PAK1: variants seen among roughly 807,000 people sequenced by gnomAD.
PAK1 encodes the protein p21 (RAC1) activated kinase 1.
A neutral mutation model predicts 67.4 loss-of-function variants in PAK1; 29 were observed. The ratio of observed to expected loss-of-function variants is 0.43; its 90% CI spans 0.32 to 0.59. The LOEUF (loss-of-function observed/expected upper bound fraction) is 0.59. PAK1 is among the 20% of genes least tolerant of loss of function. The pLI is 0.07. For missense variants in PAK1, 337 were observed against 670.7 expected (o/e 0.50, Z 5.50); for synonymous variants, 223 against 237.4 (o/e 0.94, Z 0.56).
the PAK1 span, among the ~76,000 whole-genome samples, chr11:77,484,154 A>G: frequency 1.8e-3 from 281 of 152,102 alleles, 1 homozygote; most frequent in African/African-American, 6.6e-3. Flanking sequence ...AGAGAAAACC[A>G]TAAGTCCTAT....
At chr11:77,440,719 A>G (rs1288405563) in intron 1 of PAK1, among the ~76,000 whole-genome samples, 2 of 152,230 alleles carry the variant, frequency 1.3e-5, no homozygotes, top group Non-Finnish European at 2.9e-5. Flanking sequence ...ATAAGCTTCA[A>G]TCAGCTAGTA....
At position 77,375,735 on chromosome 11, in the gene PAK1, T is replaced by C. The variant is rs76296405; in HGVS notation, c.440-1370A>G. ...AAGTAAGTTTAAAGACCAGGTAATGTCTTCAGTTTTGTTCTTTAATTCCCC... is the reference window on the plus strand; with the variant it reads ...AAGTAAGTTTAAAGACCAGGTAATGCCTTCAGTTTTGTTCTTTAATTCCCC... On this transcript the variant is annotated intron_variant, in intron 4 of 14. Transcript: ENST00000356341. Among the ~76,000 whole-genome samples, 581 of 152,304 alleles carry C rather than the reference T, an allele frequency of 3.8e-3. 13 individuals carry two copies. The East Asian group carries it at 0.07, about 18-fold the overall frequency.
chr11:77,411,906 T>A (rs1388437568), intron 1 of PAK1: 2 of 152,238 alleles, frequency 1.3e-5, no homozygotes, highest in African/African-American at 2.4e-5. Flanking sequence ...GCTGGGCTCC[T>A]GGCAGCTCAG....
At chr11:77,341,297 A>AT (rs144078501) in intron 10 of PAK1, among the ~76,000 whole-genome samples, 4,729 of 152,314 alleles carry the variant, frequency 0.031, 127 homozygotes, top group African/African-American at 0.076. Context: ...AAATCACTGA[A>AT]AAAATAAAAG....
intron 5 of PAK1, among the ~76,000 whole-genome samples, chr11:77,371,008 C>T (rs1948354110): frequency 1.3e-5 from 2 of 152,218 alleles, no homozygotes; most frequent in South Asian, 4.1e-4. Flanking sequence ...CTGATGCTTA[C>T]TTAACACTAT....
At chr11:77,412,388 T>C (rs1172206014) in intron 1 of PAK1, among the ~76,000 whole-genome samples, 2 of 152,124 alleles carry the variant, frequency 1.3e-5, no homozygotes, top group Non-Finnish European at 2.9e-5. Flanking sequence ...TGGGCCCCTA[T>C]AGCTGCCTCT....
intron 2 of PAK1, among the ~76,000 whole-genome samples, chr11:77,389,779 G>T (rs1404652702): frequency 6.6e-6 from 1 of 152,100 alleles, no homozygotes; most frequent in African/African-American, 2.4e-5. Flanking sequence ...TATGTAATTT[G>T]GGAAATTTTT....
intron 10 of PAK1, among the ~76,000 whole-genome samples, chr11:77,342,788 G>T (rs1296503963): frequency 6.6e-6 from 1 of 152,056 alleles, no homozygotes; most frequent in Non-Finnish European, 1.5e-5. Flanking sequence ...AGAGGTAGCT[G>T]GTCATGCAAT....
In PAK1 at chr11:77,392,394, G is replaced by C; in HGVS notation, c.127C>G (p.Pro43Ala). The change falls in exon 2 of 15, where the codon CCA becomes GCA. Residue 43 changes from proline to alanine, a missense_variant. By Grantham distance (27) the Pro-to-Ala change is conservative. This residue lies in a region of PAK1 where 43 missense variants were observed against 141.5 expected (regional missense o/e 0.30). Transcript: ENST00000356341. Reference protein sequence around the residue: ...TLNHGSKPLPPNPEEKKKKDR... With the variant: ...TLNHGSKPLPANPEEKKKKDR... ...TTCTTTTTCTTCTCCTCTGGGTTTG[G>C]AGGCAGAGGTTTAGAACCATGGTTT... 1 of 1,613,144 alleles carries C rather than the reference G, an allele frequency of 6.2e-7. No homozygotes were observed. The highest frequency in any genetic ancestry group is 8.5e-7 in the Non-Finnish European group (1 of 1,179,430).
At chr11:77,327,778 A>T (rs1353893508) in intron 14 of PAK1, among the ~76,000 whole-genome samples, 1 of 152,228 alleles carries the variant, frequency 6.6e-6, no homozygotes, top group African/African-American at 2.4e-5. Context: ...AAATTCACAC[A>T]TAACAATATT....
intron 9 of PAK1, among the ~76,000 whole-genome samples, chr11:77,346,263 C>T (rs745647661): frequency 2.0e-5 from 3 of 152,146 alleles, no homozygotes; most frequent in Non-Finnish European, 2.9e-5. Flanking sequence ...TGAGCAACCG[C>T]GCCTGGCCAG....
chr11:77,388,851 A>G (rs564944317), intron 2 of PAK1, among the ~76,000 whole-genome samples: 15 of 152,290 alleles, frequency 9.8e-5, no homozygotes, highest in African/African-American at 3.6e-4. Context: ...CCAGGTTCCA[A>G]TGATGTCTGA....
rs1480294140 is a variant in PAK1, at chr11:77,332,850, G to T, written c.1431C>A (p.Ala477=). Residue 477 remains alanine, a synonymous_variant, in exon 14 of 15, where the codon GCC becomes GCA. Coordinates refer to ENST00000356341, the MANE Select transcript of PAK1 (RefSeq NM_002576.5). ...ENPLRALYLI[A]TNGTPELQNP... ...TCTGAAGTTCTGGGGTCCCATTGGT[G>T]GCAATGAGGTACAAGGCCTGGCAAT... The T allele has an allele frequency of 6.2e-7, 1 of 1,613,550 alleles. No homozygotes were observed. The highest frequency in any genetic ancestry group is 2.2e-5 in the East Asian group (1 of 44,888).
At chr11:77,371,826 C>A (rs1015292331) in intron 5 of PAK1, among the ~76,000 whole-genome samples, 1 of 152,178 alleles carries the variant, frequency 6.6e-6, no homozygotes, top group Non-Finnish European at 1.5e-5. Context: ...AAGTTTTTAC[C>A]AAGCAGGTGT....
upstream of PAK1, chr11:77,474,361 G>A (rs960420144): frequency 2.6e-5 from 4 of 152,178 alleles, no homozygotes; most frequent in African/African-American, 7.2e-5. Context: ...TACGTCATCG[G>A]CGCGTGACGC....
chr11:77,455,545 T>C (rs1028339943), intron 1 of PAK1, among the ~76,000 whole-genome samples: 1 of 147,602 alleles, frequency 6.8e-6, no homozygotes, highest in Non-Finnish European at 1.5e-5. Flanking sequence ...AGTTATTCAA[T>C]GTAGTTTGGG....
At chr11:77,456,741 G>T (rs971917254) in intron 1 of PAK1, among the ~76,000 whole-genome samples, 18 of 151,252 alleles carry the variant, frequency 1.2e-4, no homozygotes, top group African/African-American at 4.1e-4. Context: ...TTATTATTTG[G>T]TTTTTTGTTT....
At chr11:77,391,535 A>C (rs1176441280) in intron 2 of PAK1, among the ~76,000 whole-genome samples, 1 of 152,236 alleles carries the variant, frequency 6.6e-6, no homozygotes, top group Non-Finnish European at 1.5e-5. Flanking sequence ...TTAGCATGCC[A>C]TAAGAACAGG....
upstream of PAK1, among the ~76,000 whole-genome samples, chr11:77,477,835 A>G (rs1958076073): frequency 6.6e-6 from 1 of 152,312 alleles, no homozygotes; most frequent in South Asian, 2.1e-4. Context: ...AAGGCAGAAG[A>G]TCACTTAAGC....
Sources: allele counts gnomAD v4.1 joint callset (sites outside exome capture counted in the v4.1 genomes callset), GRCh38; gene constraint gnomAD v4.1.1; regional missense constraint gnomAD v4.1.1; transcripts MANE v1.5; gene names NCBI Gene and HGNC (gene_info 2026-07-23, HGNC 2026-07-21).